The following TRIM10 variants were observed in gnomAD, a reference collection of about 807,000 sequenced individuals.
TRIM10 encodes the protein tripartite motif-containing protein 10.
TRIM10 carries 42 observed loss-of-function variants against 40.0 expected under a neutral mutation model. The ratio of observed to expected loss-of-function variants is 1.05; its 90% CI spans 0.82 to 1.36. The LOEUF (loss-of-function observed/expected upper bound fraction) is 1.36, where lower values mean the gene tolerates loss of function less well. Ranked by LOEUF, TRIM10 falls within the 40% of genes most tolerant of loss-of-function variation. The pLI, the probability that TRIM10 is intolerant of heterozygous loss-of-function variation, is 0.00. For missense variants in TRIM10, 601 were observed against 608.3 expected (o/e 0.99, Z 0.13); for synonymous variants, 260 against 239.5 (o/e 1.09, Z -0.79).
chr6:30,154,071 G>A lies in TRIM10; in HGVS notation c.1344C>T (p.Val448=), dbSNP rs1173212093. The A allele has an allele frequency of 4.3e-6, 7 of 1,611,908 alleles. No individual in the cohort carries two copies. Among genetic ancestry groups the A allele is most frequent in the Middle Eastern group, 3.3e-4 (2 of 6,062 alleles). Residue 448 remains valine, a synonymous_variant, in exon 7 of 7, where the codon GTC becomes GTT. Transcript: ENST00000449742. ...TGAAGGTGTAGATGGGCTCTCGGGT[G>A]ACAGCGTTGGTGAAGGTCACCCAGC... ...EVGWVTFTNA[V]TREPIYTFTA... is the part of the protein sequence containing the mutation.
In TRIM10 at chr6:30,158,641, G is replaced by A; in HGVS notation, c.526-12C>T. 1 of 1,610,840 alleles carries A rather than the reference G, an allele frequency of 6.2e-7. No individual in the cohort carries two copies. Among genetic ancestry groups the A allele is most frequent in the Non-Finnish European group, 8.5e-7 (1 of 1,178,074 alleles). On this transcript the variant is annotated splice_polypyrimidine_tract_variant and intron_variant, in intron 2 of 6. Transcript: ENST00000449742. ...GTGGACACCTGAGTCTGAGGGGGCAGGAGGCAAGCCCAAGAGAAAGTTTGC... is the reference window on the plus strand; with the variant it reads ...GTGGACACCTGAGTCTGAGGGGGCAAGAGGCAAGCCCAAGAGAAAGTTTGC...
chr6:30,152,124 T>C lies in TRIM10; in HGVS notation c.*1845A>G, dbSNP rs1220721325. On this transcript the variant is annotated 3_prime_UTR_variant, in exon 7 of 7. Coordinates refer to ENST00000449742, the MANE Select transcript of TRIM10 (RefSeq NM_006778.4). ...GCATTAAAATAATCGCCAGGACCCA[T>C]GCAGGCATCTATCTCTGAATGAGGC... The C allele has an allele frequency of 1.3e-5, 2 of 152,210 alleles. No individual in the cohort carries two copies. The highest frequency in any genetic ancestry group is 1.3e-4 in the Admixed American group (2 of 15,286). 9.4% of individuals were successfully genotyped at this position (152,210 alleles called of 1,614,324 possible).
At position 30,158,579 on chromosome 6, in the gene TRIM10, C is replaced by G; in HGVS notation, c.576G>C (p.Leu192=). 2 of 1,613,056 alleles carry G rather than the reference C, an allele frequency of 1.2e-6. No individual in the cohort carries two copies. Among genetic ancestry groups the G allele is most frequent in the Middle Eastern group, 1.6e-4 (1 of 6,062 alleles). The change falls in exon 3 of 7, where the codon CTG becomes CTC. Residue 192 remains leucine, a synonymous_variant. Coordinates refer to ENST00000449742, the MANE Select transcript of TRIM10 (RefSeq NM_006778.4). ...RQQVISEFAH[L]RKFLEEQQSI... Reference sequence around the variant, plus strand: ...TCTGCTGTTCCTCTAGAAACTTCCTCAGGTGTGCGAACTCAGAAATCACCT... The same window carrying G: ...TCTGCTGTTCCTCTAGAAACTTCCTGAGGTGTGCGAACTCAGAAATCACCT...
In TRIM10 at chr6:30,152,633, C is replaced by T. The variant is rs1772115955; in HGVS notation, c.*1336G>A. On this transcript the variant is annotated 3_prime_UTR_variant, in exon 7 of 7. Coordinates refer to ENST00000449742, the MANE Select transcript of TRIM10 (RefSeq NM_006778.4). Reference sequence around the variant, plus strand: ...AGTTTGCACCCTGGATGGCTCCCCTCCTCCCAGGAGACCCAGTAGGGAGAT... The same window carrying T: ...AGTTTGCACCCTGGATGGCTCCCCTTCTCCCAGGAGACCCAGTAGGGAGAT... 2 of 152,090 alleles carry T rather than the reference C, an allele frequency of 1.3e-5. No individual in the cohort carries two copies. Among genetic ancestry groups the T allele is most frequent in the African/African-American group, 4.8e-5 (2 of 41,390 alleles). The allele number at this position is 152,090 out of a possible 1,614,324, so 9.4% of individuals were successfully genotyped here.
Position 30,152,368 on chromosome 6 carries a change from C to T in TRIM10, c.*1601G>A, listed in dbSNP as rs1426418574. 1 of 152,218 alleles carries T rather than the reference C, an allele frequency of 6.6e-6. No individual in the cohort carries two copies. Among genetic ancestry groups the T allele is most frequent in the Non-Finnish European group, 1.5e-5 (1 of 68,042 alleles). 9.4% of individuals were successfully genotyped at this position (152,218 alleles called of 1,614,324 possible). A position where few individuals can be genotyped will look rare whatever the true frequency, so the allele number is the denominator to read the frequency against. ...AAAATAGGATCTACTTTTCTGGAAT[C>T]ACAGGTTTGGGTGCTTTGGATATGT... On this transcript the variant is annotated 3_prime_UTR_variant, in exon 7 of 7. Transcript: ENST00000449742.
At chr6:30,155,077 G>A (rs1772399252) in intron 6 of TRIM10, among the ~76,000 whole-genome samples, 1 of 152,138 alleles carries the variant, frequency 6.6e-6, no homozygotes, top group Non-Finnish European at 1.5e-5. Context: ...CTGCTGCAGA[G>A]CCTTGCGTTT....
intron 4 of TRIM10, 123 bp from the exon 5 acceptor site, chr6:30,157,177 A>G (rs912186272): frequency 1.4e-5 from 16 of 1,170,948 alleles, no homozygotes; most frequent in Non-Finnish European, 1.8e-5. Flanking sequence ...TACTTCCTCT[A>G]GGATGAATCC....
intron 2 of TRIM10, among the ~76,000 whole-genome samples, chr6:30,158,871 G>A (rs1431222726): frequency 1.3e-5 from 2 of 152,144 alleles, no homozygotes; most frequent in Non-Finnish European, 2.9e-5. Context: ...CTCCTGTCTT[G>A]TATGAAAAGC....
rs1473155494 is a variant in TRIM10, at chr6:30,152,608, A to C, written c.*1361T>G. ...AAGCACGCTGTGCCCTCTGCCTTTGAGTTTGCACCCTGGATGGCTCCCCTC... is the reference window on the plus strand; with the variant it reads ...AAGCACGCTGTGCCCTCTGCCTTTGCGTTTGCACCCTGGATGGCTCCCCTC... On this transcript the variant is annotated 3_prime_UTR_variant, in exon 7 of 7. Coordinates refer to ENST00000449742, the MANE Select transcript of TRIM10 (RefSeq NM_006778.4). 1 of 152,170 alleles carries C rather than the reference A, an allele frequency of 6.6e-6. No homozygotes were observed. Among genetic ancestry groups the C allele is most frequent in the Non-Finnish European group, 1.5e-5 (1 of 68,046 alleles). The allele number at this position is 152,170 out of a possible 1,614,324, so 9.4% of individuals were successfully genotyped here.
chr6:30,153,910 C>T lies in TRIM10; in HGVS notation c.*59G>A, dbSNP rs1422798803. The T allele has an allele frequency of 5.4e-5, 85 of 1,581,622 alleles. No homozygotes were observed. The East Asian group carries it at 1.9e-3, about 35-fold the overall frequency. ...GTGATTCAGCCAGGGATCAAGTCCA[C>T]ATGGTACTTGGGTTGATATGAGTCC... On this transcript the variant is annotated 3_prime_UTR_variant, in exon 7 of 7. Coordinates refer to ENST00000449742, the MANE Select transcript of TRIM10 (RefSeq NM_006778.4).
chr6:30,157,387 A>T lies in TRIM10; in HGVS notation c.761T>A (p.Ile254Asn). ...ERPARELLTD[I>N]RSTLIRCETR... is the part of the protein sequence containing the mutation. ...TGCTTACCTTATTAGAGTGCTTCTG[A>T]TGTCCTAGGAGAAAGAGATACCAGA... The change falls in exon 4 of 7, where the codon ATC (isoleucine) becomes AAC (asparagine). Residue 254 changes from isoleucine (I) to asparagine (N), a missense_variant. Ile to Asn is a moderately radical substitution (Grantham distance 149). Transcript: ENST00000449742. 1 of 1,601,318 alleles carries T rather than the reference A, an allele frequency of 6.2e-7. No homozygotes were observed. Among genetic ancestry groups the T allele is most frequent in the Non-Finnish European group, 8.5e-7 (1 of 1,175,876 alleles).
At chr6:30,159,123 G>A (rs751539425) in intron 2 of TRIM10, 27 bp downstream of exon 2, 3 of 1,490,160 alleles carry the variant, frequency 2.0e-6, no homozygotes, top group South Asian at 2.3e-5. Context: ...GGAAGGGGAG[G>A]AACCTGGGGA....
In TRIM10 at chr6:30,153,682, C is replaced by A. The variant is rs1266720370; in HGVS notation, c.*287G>T. The A allele has an allele frequency of 1.2e-6, 2 of 1,609,652 alleles. No individual in the cohort carries two copies. Among genetic ancestry groups the A allele is most frequent in the Non-Finnish European group, 1.7e-6 (2 of 1,178,516 alleles). ...AGGTCTTCTGACTTCAAATCCAGTG[C>A]CCTTTCTATGCAGCTACTTCTGTGC... is the stretch of plus-strand genomic sequence containing the variant. On this transcript the variant is annotated 3_prime_UTR_variant, in exon 7 of 7. Coordinates refer to ENST00000449742, the MANE Select transcript of TRIM10 (RefSeq NM_006778.4).
Position 30,157,372 on chromosome 6 carries a change from A to G in TRIM10, c.776T>C (p.Ile259Thr). 6.2e-7 allele frequency: 1 copy of G among 1,603,008 alleles called. No individual in the cohort carries two copies. The highest frequency in any genetic ancestry group is 8.5e-7 in the Non-Finnish European group (1 of 1,176,368). Residue 259 changes from isoleucine (I) to threonine (T), a missense_variant, in exon 4 of 7, where the codon ATA becomes ACA. Transcript: ENST00000449742. ...ELLTDIRSTL[I>T]RCETRKCRKP... ...AGAGAGAAACTATATTGCTTACCTT[A>G]TTAGAGTGCTTCTGATGTCCTAGGA...
At chr6:30,154,698 C>A in intron 6 of TRIM10, 1 of 725,610 alleles carries the variant, frequency 1.4e-6, no homozygotes. Context: ...AGGTGATTTG[C>A]ACACAGGTAA....
At position 30,153,770 on chromosome 6, in the gene TRIM10, C is replaced by G. The variant is rs1249626433; in HGVS notation, c.*199G>C. The G allele has an allele frequency of 1.2e-6, 2 of 1,612,976 alleles. No individual in the cohort carries two copies. The highest frequency in any genetic ancestry group is 1.7e-5 in the Admixed American group (1 of 60,002). ...TGAGTCCCCAGGTACCCTGGCCATCCACTGGGCATTGGGGAAAGGACTTGA... is the reference window on the plus strand; with the variant it reads ...TGAGTCCCCAGGTACCCTGGCCATCGACTGGGCATTGGGGAAAGGACTTGA... On this transcript the variant is annotated 3_prime_UTR_variant, in exon 7 of 7. Coordinates refer to ENST00000449742, the MANE Select transcript of TRIM10 (RefSeq NM_006778.4).
At chr6:30,160,340 G>A (rs1772952773) in intron 1 of TRIM10, 90 bp downstream of exon 1, 1 of 1,408,366 alleles carries the variant, frequency 7.1e-7, no homozygotes. Context: ...AAAGAATTTG[G>A]CCTCCGGGTG....
Position 30,154,424 on chromosome 6 carries a change from G to C in TRIM10, c.991C>G (p.Arg331Gly). ...TGCCATTTGTAGGAGAACTGAGCTC[G>C]CTGGTGGTCCTCGGACAAGAGGAGC... is the stretch of plus-strand genomic sequence containing the variant. ...PKLLLSEDHQ[R>G]AQFSYKWQNS... The change falls in exon 7 of 7, where the codon CGA (arginine) becomes GGA (glycine). Residue 331 changes from arginine (R) to glycine (G), a missense_variant. Transcript: ENST00000449742. The C allele has an allele frequency of 2.5e-6, 4 of 1,613,026 alleles. No homozygotes were observed. Among genetic ancestry groups the C allele is most frequent in the Non-Finnish European group, 3.4e-6 (4 of 1,180,036 alleles).
chr6:30,157,629 G>T (rs887385312), intron 3 of TRIM10, among the ~76,000 whole-genome samples: 2 of 148,964 alleles, frequency 1.3e-5, no homozygotes, highest in African/African-American at 2.5e-5. Flanking sequence ...GGGACTACAG[G>T]TGTTTGTCAC....
Sources: allele counts gnomAD v4.1 joint callset (sites outside exome capture counted in the v4.1 genomes callset), GRCh38; gene constraint gnomAD v4.1.1; transcripts MANE v1.5; gene names NCBI Gene and HGNC (gene_info 2026-07-23, HGNC 2026-07-21).